SNAP91: variants seen among roughly 807,000 people sequenced by gnomAD.
SNAP91 encodes clathrin coat assembly protein AP180.
SNAP91 carries 27 observed loss-of-function variants against 100.3 expected under a neutral mutation model. The ratio of observed to expected loss-of-function variants is 0.27; its 90% CI spans 0.20 to 0.37. The LOEUF (loss-of-function observed/expected upper bound fraction) is 0.37. Ranked by LOEUF, SNAP91 falls within the 10% of genes least tolerant of loss-of-function variation. The probability of loss-of-function intolerance (pLI) is 1.00; values close to 1 mark genes in which losing one functional copy is unlikely to be tolerated. For synonymous variants in SNAP91, 404 were observed against 398.6 expected (o/e 1.01, Z -0.16); for missense variants, 986 against 1,123.7 (o/e 0.88, Z 1.75).
At chr6:83,575,814 G>C (rs754010574) in intron 25 of SNAP91, among the ~76,000 whole-genome samples, 1 of 152,148 alleles carries the variant, frequency 6.6e-6, no homozygotes, top group African/African-American at 2.4e-5. Flanking sequence ...GATTGAAATA[G>C]ATTATTCCTT....
At position 83,592,890 on chromosome 6, in the gene SNAP91, C is replaced by T. The variant is rs1037625815; in HGVS notation, c.1846+56G>A. 8 of 1,262,210 alleles carry T rather than the reference C, an allele frequency of 6.3e-6. No homozygotes were observed. In the East Asian group the frequency reaches 1.8e-4, roughly 28 times the overall value. The allele number at this position is 1,262,210 out of a possible 1,614,324, so 78.2% of individuals were successfully genotyped here. On this transcript the variant is annotated intron_variant, in intron 20 of 29. Transcript: ENST00000369694. Reference sequence around the variant, plus strand: ...AAACCCACATGTTATATCCTTCTCTCTATGCATTACTTCCACAAGACATCT... The same window carrying T: ...AAACCCACATGTTATATCCTTCTCTTTATGCATTACTTCCACAAGACATCT...
At chr6:83,649,334 A>G (rs1260640674) in intron 7 of SNAP91, among the ~76,000 whole-genome samples, 3 of 152,168 alleles carry the variant, frequency 2.0e-5, no homozygotes, top group Non-Finnish European at 4.4e-5. Flanking sequence ...ACCTGTTGAC[A>G]GAAGGTCTCA....
At chr6:83,596,505 A>G (rs1458009792) in intron 16 of SNAP91, among the ~76,000 whole-genome samples, 1 of 152,148 alleles carries the variant, frequency 6.6e-6, no homozygotes, top group African/African-American at 2.4e-5. Flanking sequence ...ATAATATTGC[A>G]AAGAGTAGAA....
chr6:83,660,155 G>T (rs2098511033), intron 5 of SNAP91, among the ~76,000 whole-genome samples: 2 of 152,172 alleles, frequency 1.3e-5, no homozygotes, highest in South Asian at 4.1e-4. Context: ...GTTCATACAG[G>T]GGTGCAGAAG....
intron 26 of SNAP91, 44 bp from the exon 27 acceptor site, chr6:83,560,991 A>T: frequency 7.9e-7 from 1 of 1,258,866 alleles, no homozygotes; most frequent in Non-Finnish European, 1.1e-6. Flanking sequence ...ACACAAAAAC[A>T]CACAAACACA....
At chr6:83,587,935 C>G (rs1253060196) in intron 22 of SNAP91, among the ~76,000 whole-genome samples, 1 of 152,034 alleles carries the variant, frequency 6.6e-6, no homozygotes, top group East Asian at 1.9e-4. Context: ...GAAAAATTAG[C>G]CCCCAAAATT....
At chr6:83,645,798 C>T (rs1562489167) in intron 7 of SNAP91, among the ~76,000 whole-genome samples, 1 of 152,186 alleles carries the variant, frequency 6.6e-6, no homozygotes, top group African/African-American at 2.4e-5. Flanking sequence ...CTGCAGTGAG[C>T]TGTGTTCGTG....
chr6:83,605,559 A>AT, intron 14 of SNAP91, 126 bp downstream of exon 14: 1 of 1,288,104 alleles, frequency 7.8e-7, no homozygotes. Flanking sequence ...CATTCTTAAC[A>AT]TTTTCCCTCC....
intron 7 of SNAP91, among the ~76,000 whole-genome samples, chr6:83,654,232 C>G (rs953585973): frequency 2.8e-4 from 42 of 152,280 alleles, no homozygotes; most frequent in Non-Finnish European, 2.8e-4. Flanking sequence ...AGCTTCCACT[C>G]GTGAGTCTCT....
intron 21 of SNAP91, among the ~76,000 whole-genome samples, chr6:83,591,636 T>C (rs2093763301): frequency 2.0e-5 from 3 of 152,214 alleles, no homozygotes; most frequent in Admixed American, 1.3e-4. Context: ...AATTTTTCCA[T>C]TTAGAATTCT....
In SNAP91 at chr6:83,672,957, G is replaced by T. The variant is rs542814952; in HGVS notation, c.131-7376C>A. Among the ~76,000 whole-genome samples the T allele has an allele frequency of 2.0e-5, 3 of 152,144 alleles. No individual in the cohort carries two copies. The East Asian group carries it at 5.8e-4, about 29-fold the overall frequency. On this transcript the variant is annotated intron_variant, in intron 2 of 29. Coordinates refer to ENST00000369694, the MANE Select transcript of SNAP91 (RefSeq NM_001242792.2). ...ATGTCAGAAAGGGGAATAAAAACTG[G>T]TCATTCTTTTATTTTATAATCATCT...
chr6:83,575,716 T>C (rs1000519193), intron 25 of SNAP91: 1 of 295,754 alleles, frequency 3.4e-6, no homozygotes, highest in Non-Finnish European at 6.1e-6. Flanking sequence ...GCTAGAACTA[T>C]GGTAATGAAT....
intron 26 of SNAP91, among the ~76,000 whole-genome samples, chr6:83,573,423 A>C (rs1486060270): frequency 2.6e-5 from 4 of 152,142 alleles, no homozygotes; most frequent in Non-Finnish European, 5.9e-5. Context: ...GCTACCAATG[A>C]CTTTCTTCAC....
At chr6:83,702,467 C>T (rs1450433387) in intron 2 of SNAP91, among the ~76,000 whole-genome samples, 1 of 152,124 alleles carries the variant, frequency 6.6e-6, no homozygotes, top group South Asian at 2.1e-4. Context: ...ACAAATAAAT[C>T]TTTAACCACC....
chr6:83,673,340 G>A (rs1199372873), intron 2 of SNAP91, among the ~76,000 whole-genome samples: 2 of 152,082 alleles, frequency 1.3e-5, no homozygotes, highest in Non-Finnish European at 2.9e-5. Flanking sequence ...AGAGTCCCCA[G>A]AGAGCATACT....
At chr6:83,682,175 T>C (rs2098998572) in intron 2 of SNAP91, among the ~76,000 whole-genome samples, 2 of 145,102 alleles carry the variant, frequency 1.4e-5, no homozygotes, top group African/African-American at 5.2e-5. Context: ...TTTAATTCTT[T>C]TTTTTTTTTT....
intron 8 of SNAP91, among the ~76,000 whole-genome samples, chr6:83,638,282 A>T (rs1487623733): frequency 2.0e-5 from 3 of 151,090 alleles, no homozygotes; most frequent in African/African-American, 7.3e-5. Flanking sequence ...AGATCTGTTG[A>T]TCATCAGCAT....
intron 8 of SNAP91, among the ~76,000 whole-genome samples, chr6:83,632,284 T>C (rs2097241126): frequency 6.6e-6 from 1 of 152,126 alleles, no homozygotes; most frequent in South Asian, 2.1e-4. Flanking sequence ...TTTTCCTTTA[T>C]AGGTTACCTG....
chr6:83,686,454 T>C (rs1027727189), intron 2 of SNAP91, among the ~76,000 whole-genome samples: 2 of 151,972 alleles, frequency 1.3e-5, no homozygotes, highest in African/African-American at 4.8e-5. Context: ...TAAGGAAGAG[T>C]CTCTTTTGTT....
Sources: allele counts gnomAD v4.1 joint callset (sites outside exome capture counted in the v4.1 genomes callset), GRCh38; gene constraint gnomAD v4.1.1; transcripts MANE v1.5; gene names NCBI Gene and HGNC (gene_info 2026-07-23, HGNC 2026-07-21).